AOPEP: variants seen among roughly 807,000 people sequenced by gnomAD.
AOPEP encodes the protein aminopeptidase O.
AOPEP carries 77 observed loss-of-function variants against 98.1 expected under a neutral mutation model. That is an observed-to-expected ratio of 0.78 (90% CI 0.65 to 0.95). The LOEUF is 0.95. Among genes scored for constraint, AOPEP ranks in the 40% least tolerant of loss-of-function variants. The probability of loss-of-function intolerance (pLI) is 0.00; values close to 1 mark genes in which losing one functional copy is unlikely to be tolerated. For missense variants in AOPEP, 1,024 were observed against 1,024.7 expected (o/e 1.00, Z 0.01); for synonymous variants, 346 against 365.3 (o/e 0.95, Z 0.60).
intron 1 of AOPEP, among the ~76,000 whole-genome samples, chr9:94,757,140 A>G (rs764714561): frequency 6.6e-6 from 1 of 152,326 alleles, no homozygotes; most frequent in South Asian, 2.1e-4. Context: ...GTGAAAAGGG[A>G]TATTGTTCCC....
At chr9:94,838,807 T>C (rs4744381) in intron 5 of AOPEP, among the ~76,000 whole-genome samples, 23,739 of 152,200 alleles carry the variant, frequency 0.16, 2,385 homozygotes, top group East Asian at 0.31. Flanking sequence ...ATCAGTGTTT[T>C]GTAATTTACA....
chr9:95,025,772 C>G lies in AOPEP; in HGVS notation c.2115+20156C>G, dbSNP rs1311980364. On this transcript the variant is annotated intron_variant, in intron 13 of 16. Coordinates refer to ENST00000375315, the MANE Select transcript of AOPEP (RefSeq NM_001193329.3). ...TGTCATTTCCTAATTGTTCAGAGTG[C>G]CCATTATGCTTAGCCTAGGTGTCTT... Among the ~76,000 whole-genome samples, 3 of 152,206 alleles carry G rather than the reference C, an allele frequency of 2.0e-5. No individual in the cohort carries two copies. In the East Asian group the frequency reaches 5.8e-4, roughly 29 times the overall value.
At chr9:94,751,919 G>T (rs1237233408) in intron 1 of AOPEP, among the ~76,000 whole-genome samples, 1 of 142,328 alleles carries the variant, frequency 7.0e-6, no homozygotes, top group East Asian at 2.0e-4. Flanking sequence ...TTGAGAAAGG[G>T]TCTCGCTGTG....
At chr9:94,819,946 C>CTTTTTTT (rs11423201) in intron 5 of AOPEP, among the ~76,000 whole-genome samples, 103 of 121,580 alleles carry the variant, frequency 8.5e-4, no homozygotes, top group Non-Finnish European at 1.2e-3. Flanking sequence ...TAGTGCAATT[C>CTTTTTTT]TTTTTTTTTT....
At chr9:95,074,119 G>C (rs2068796942) in intron 14 of AOPEP, among the ~76,000 whole-genome samples, 1 of 152,174 alleles carries the variant, frequency 6.6e-6, no homozygotes, top group Non-Finnish European at 1.5e-5. Context: ...GCCAGTGCCT[G>C]TGTGTGTGCT....
intron 5 of AOPEP, among the ~76,000 whole-genome samples, chr9:94,802,077 T>C (rs1848325180): frequency 6.6e-6 from 1 of 152,188 alleles, no homozygotes; most frequent in African/African-American, 2.4e-5. Flanking sequence ...TTTATGAAGA[T>C]AATGGGAATG....
intron 11 of AOPEP, among the ~76,000 whole-genome samples, chr9:94,998,690 C>G (rs1030400528): frequency 6.6e-6 from 1 of 152,226 alleles, no homozygotes; most frequent in African/African-American, 2.4e-5. Flanking sequence ...TGCGTTGTCA[C>G]AGGAGTTTCC....
intron 14 of AOPEP, among the ~76,000 whole-genome samples, chr9:95,074,514 A>G (rs1467844386): frequency 3.3e-5 from 5 of 152,100 alleles, no homozygotes; most frequent in African/African-American, 7.2e-5. Context: ...AACAGTATAA[A>G]TTGCGCCTCT....
chr9:95,148,663 A>G, the AOPEP span, among the ~76,000 whole-genome samples: 1 of 152,234 alleles, frequency 6.6e-6, no homozygotes, highest in Non-Finnish European at 1.5e-5. Flanking sequence ...GAAGATATAC[A>G]TAACTCAATG....
At chr9:95,066,272 T>G (rs565408298) in intron 14 of AOPEP, among the ~76,000 whole-genome samples, 8 of 152,220 alleles carry the variant, frequency 5.3e-5, no homozygotes, top group Non-Finnish European at 1.2e-4. Context: ...TCTGGAACTT[T>G]CCTGTGGAAA....
At chr9:94,797,818 T>C (rs1342544192) in intron 4 of AOPEP, among the ~76,000 whole-genome samples, 3 of 151,422 alleles carry the variant, frequency 2.0e-5, no homozygotes, top group Non-Finnish European at 2.9e-5. Context: ...TTCTCCTGCC[T>C]CAGTCTCCCA....
At chr9:94,928,830 G>A in intron 7 of AOPEP, 1 of 288,410 alleles carries the variant, frequency 3.5e-6, no homozygotes, top group Non-Finnish European at 6.5e-6. Context: ...GATGTGGCGA[G>A]GGTTGGGGTT....
At chr9:94,803,595 CAA>C (rs145884437) in intron 5 of AOPEP, among the ~76,000 whole-genome samples, 9 of 152,244 alleles carry the variant, frequency 5.9e-5, no homozygotes, top group Non-Finnish European at 1.2e-4. Context: ...ATGATAATGA[CAA>C]ATCAGTTTAT....
intron 11 of AOPEP, among the ~76,000 whole-genome samples, chr9:94,985,437 G>A: frequency 6.6e-6 from 1 of 152,204 alleles, no homozygotes; most frequent in East Asian, 1.9e-4. Context: ...TAGTCACGAT[G>A]TGCTTTTAGC....
intron 5 of AOPEP, among the ~76,000 whole-genome samples, chr9:94,869,759 G>T (rs2046109532): frequency 6.6e-6 from 1 of 152,162 alleles, no homozygotes; most frequent in Admixed American, 6.5e-5. Flanking sequence ...TCTGAGTACA[G>T]CGTATCTGCT....
rs545578165 is a variant in AOPEP, at chr9:94,756,677, G to T, written c.-135-2972G>T. 2.0e-5 allele frequency among the ~76,000 whole-genome samples: 3 copies of T among 152,134 alleles called. No individual in the cohort carries two copies. The South Asian group carries it at 6.2e-4, about 32-fold the overall frequency. On this transcript the variant is annotated intron_variant, in intron 1 of 16. Coordinates refer to ENST00000375315, the MANE Select transcript of AOPEP (RefSeq NM_001193329.3). ...GAGTTCAGTCAGTGTAACACTCCTG[G>T]TGCCTTTATCCTAAGGGAGGTGGGG...
At chr9:95,097,187 C>A in the AOPEP span, among the ~76,000 whole-genome samples, 1 of 152,244 alleles carries the variant, frequency 6.6e-6, no homozygotes, top group Non-Finnish European at 1.5e-5. Context: ...TCTGCCTGTT[C>A]TGGTGCTGGC....
chr9:95,013,809 A>C (rs117059810), intron 13 of AOPEP, among the ~76,000 whole-genome samples: 3 of 152,154 alleles, frequency 2.0e-5, no homozygotes, highest in South Asian at 2.1e-4. Flanking sequence ...CTGTTACTCC[A>C]TTGTCATCCT....
At chr9:95,105,149 TAG>T in the AOPEP span, among the ~76,000 whole-genome samples, 1 of 152,214 alleles carries the variant, frequency 6.6e-6, no homozygotes, top group Admixed American at 6.5e-5. Flanking sequence ...GGATTCGTCT[TAG>T]CTGAGACACC....
Sources: gnomAD v4.1 joint callset for allele counts (sites outside exome capture counted in the v4.1 genomes callset) on GRCh38, gnomAD v4.1.1 for gene constraint, MANE v1.5 for transcripts, NCBI Gene and HGNC (gene_info 2026-07-23, HGNC 2026-07-21) for gene names.